The following FAT4 variants were observed in gnomAD, a reference collection of about 807,000 sequenced individuals.
FAT4 encodes protocadherin Fat 4.
A neutral mutation model predicts 303.9 loss-of-function variants in FAT4; 84 were observed. That is an observed-to-expected ratio of 0.28 (90% CI 0.23 to 0.33). FAT4 has a LOEUF of 0.33. Among genes scored for constraint, FAT4 ranks in the 10% least tolerant of loss-of-function variants. FAT4 has a pLI of 1.00. For missense variants in FAT4, 6,005 were observed against 6,146.8 expected, an observed-to-expected ratio of 0.98 and a Z score of 0.77; for synonymous variants, 2,307 against 2,298.8, an observed-to-expected ratio of 1.00 and a Z score of -0.10.
At chr4:125,409,396 A>AT (rs1734758836) in intron 5 of FAT4, among the ~76,000 whole-genome samples, 1 of 152,018 alleles carries the variant, frequency 6.6e-6, no homozygotes, top group Non-Finnish European at 1.5e-5. Context: ...AGCTAGGATT[A>AT]TAGGCATGCA....
Position 125,316,501 on chromosome 4 carries a change from A to G in FAT4, c.90A>G (p.Leu30=), listed in dbSNP as rs753444272. 6.2e-7 allele frequency: 1 copy of G among 1,613,730 alleles called. No individual in the cohort carries two copies. The highest frequency in any genetic ancestry group is 1.3e-5 in the African/African-American group (1 of 74,874). Residue 30 remains leucine, a synonymous_variant, in exon 2 of 18, where the codon CTA becomes CTG. Transcript: ENST00000394329. This position sits in a 1 kb window ranked among gnomAD's most constrained non-coding sequence, Gnocchi z 5.7. ...CTCAGCTCCTTCGAGTGTTTTGGCT[A>G]CTGTCATTGCTTCCGGGGCAGGCCT... ...SVSQLLRVFW[L]LSLLPGQAWV...
rs200593370 is a variant in FAT4, at chr4:125,318,733, C to T, written c.2322C>T (p.Pro774=). 1.8e-4 allele frequency: 285 copies of T among 1,613,950 alleles called. 2 individuals carry two copies. In the East Asian group the frequency reaches 6.3e-3, roughly 36 times the overall value. The change falls in exon 2 of 18, where the codon CCC becomes CCT. Residue 774 remains proline (P), a synonymous_variant. Transcript: ENST00000394329. ...CTGATGGTGGCAATTTACAATCTCC[C>T]AACCAGGCAATAGTAACCATCACTG... ...VATDGGNLQS[P]NQAIVTITVL...
At chr4:125,327,529 C>T (rs1400809270) in intron 2 of FAT4, among the ~76,000 whole-genome samples, 1 of 152,008 alleles carries the variant, frequency 6.6e-6, no homozygotes, top group East Asian at 1.9e-4. Context: ...ATGTATTGAA[C>T]AAAATGCTGT....
At chr4:125,435,187 TA>T (rs1395341303) in intron 8 of FAT4, among the ~76,000 whole-genome samples, 3 of 152,208 alleles carry the variant, frequency 2.0e-5, no homozygotes, top group Admixed American at 2.0e-4. Flanking sequence ...ACAAATATGA[TA>T]ACTTGTTCAG....
chr4:125,362,718 A>G (rs1732720221), intron 2 of FAT4: 1 of 152,190 alleles, frequency 6.6e-6, no homozygotes, highest in South Asian at 2.1e-4. Flanking sequence ...AACTTTGTCA[A>G]GTAAGAGAAT....
intron 7 of FAT4, among the ~76,000 whole-genome samples, chr4:125,421,345 A>C (rs1278808158): frequency 6.6e-6 from 1 of 151,492 alleles, no homozygotes; most frequent in Non-Finnish European, 1.5e-5. Context: ...ACATAGCTTA[A>C]ATATAAGGGC....
chr4:125,434,018 CAT>C (rs1470749687), intron 7 of FAT4, among the ~76,000 whole-genome samples: 1 of 152,154 alleles, frequency 6.6e-6, no homozygotes, highest in African/African-American at 2.4e-5. Context: ...AAGAGCATGA[CAT>C]ATACTTTTCG....
rs1005912994 is a variant in FAT4 at position 125,320,619 on chromosome 4, C to T, written c.4208C>T (p.Thr1403Ile). 4.3e-6 allele frequency: 7 copies of T among 1,614,002 alleles called. No individual in the cohort carries two copies. The African/African-American group carries it at 6.7e-5, about 15-fold the overall frequency. The change falls in exon 2 of 18, where the codon ACA (threonine) becomes ATA (isoleucine). Residue 1403 changes from threonine to isoleucine, a missense_variant. By Grantham distance (89) the Thr-to-Ile change is moderately conservative. Transcript: ENST00000394329. ...CAAGGAAGACCTCCTCGTTCATCTA[C>T]AATGTCAGTGGTTATTCACGTGAGG... ...KDQGRPPRSS[T>I]MSVVIHVRDF...
At chr4:125,413,574 T>C (rs892248866) in intron 5 of FAT4, among the ~76,000 whole-genome samples, 1 of 147,094 alleles carries the variant, frequency 6.8e-6, no homozygotes, top group Non-Finnish European at 1.5e-5. Flanking sequence ...AGGCAAAGGA[T>C]ATTAGAGACA....
chr4:125,423,455 G>T (rs1430788769), intron 7 of FAT4, among the ~76,000 whole-genome samples: 1 of 152,216 alleles, frequency 6.6e-6, no homozygotes, highest in Non-Finnish European at 1.5e-5. Context: ...AGCCTTGGAA[G>T]TTTCCACATG....
chr4:125,348,091 A>G (rs986079920), intron 2 of FAT4, among the ~76,000 whole-genome samples: 5 of 151,800 alleles, frequency 3.3e-5, no homozygotes, highest in Non-Finnish European at 5.9e-5. Context: ...TGATGCTGTA[A>G]AAGTTGCACA....
intron 2 of FAT4, among the ~76,000 whole-genome samples, chr4:125,331,902 T>G (rs1225309137): frequency 6.6e-6 from 1 of 152,174 alleles, no homozygotes; most frequent in African/African-American, 2.4e-5. Flanking sequence ...TTAAGTTTAG[T>G]TGAAAGAATG....
chr4:125,390,645 T>C (rs1733944077), intron 2 of FAT4, among the ~76,000 whole-genome samples: 1 of 152,178 alleles, frequency 6.6e-6, no homozygotes, highest in Non-Finnish European at 1.5e-5. Context: ...TAGCAAAATG[T>C]TATTGAGTTG....
At chr4:125,418,699 T>C (rs1045249001) in intron 7 of FAT4, among the ~76,000 whole-genome samples, 30 of 152,326 alleles carry the variant, frequency 2.0e-4, no homozygotes, top group African/African-American at 7.2e-4. Flanking sequence ...TTATAGTTAT[T>C]TCTTCTGGAA....
rs372543077 is a variant in FAT4 at position 125,477,213 on chromosome 4, A to G, written c.12358A>G (p.Ile4120Val). 3.0e-5 allele frequency: 45 copies of G among 1,524,754 alleles called. No individual in the cohort carries two copies. The highest frequency in any genetic ancestry group is 1.6e-4 in the African/African-American group (11 of 70,768). 94.5% of individuals were successfully genotyped at this position (1,524,754 alleles called of 1,614,324 possible). ...TGGAGGTATCAGATCTCTAGAACCA[A>G]TCCTTCAGAGAAGAGGACACGTGGA... ...TVGGIRSLEP[I>V]LQRRGHVESH... The change falls in exon 14 of 18, where the codon ATC becomes GTC. Residue 4120 changes from isoleucine to valine, a missense_variant. By Grantham distance (29) the Ile-to-Val change is conservative. Coordinates refer to ENST00000394329, the MANE Select transcript of FAT4 (RefSeq NM_001291303.3).
At chr4:125,356,467 A>C (rs994324279) in intron 2 of FAT4, among the ~76,000 whole-genome samples, 2 of 151,758 alleles carry the variant, frequency 1.3e-5, no homozygotes, top group Non-Finnish European at 2.9e-5. Context: ...AAGAAATATA[A>C]AAAGAAGTTT....
At position 125,321,595 on chromosome 4, in the gene FAT4, T is replaced by A. The variant is rs768771001; in HGVS notation, c.5175+9T>A. Reference sequence around the variant, plus strand: ...GAACACAGAGAGCAGAGGTAATGATTTTGTAGTCATTTATTATTTGTTGAT... The same window carrying A: ...GAACACAGAGAGCAGAGGTAATGATATTGTAGTCATTTATTATTTGTTGAT... On this transcript the variant is annotated intron_variant, in intron 2 of 17. Transcript: ENST00000394329. The A allele has an allele frequency of 6.4e-7, 1 of 1,564,770 alleles. No homozygotes were observed. The highest frequency in any genetic ancestry group is 2.0e-5 in the Admixed American group (1 of 48,990).
rs200724983 is a variant in FAT4, at chr4:125,491,192, A to C, written c.14376A>C (p.Glu4792Asp). ...CTCCTCCAGTCGGACTTTCTATTGA[A>C]GAAGTGGAGAGGCTCAACACACCTC... is the stretch of plus-strand genomic sequence containing the variant. ...ESSPPVGLSIEEVERLNTPRP... is the reference protein window; with the variant it reads ...ESSPPVGLSIDEVERLNTPRP... The change falls in exon 18 of 18, where the codon GAA (glutamate) becomes GAC (aspartate). Residue 4792 changes from glutamate (E) to aspartate (D), a missense_variant. By Grantham distance (45) the Glu-to-Asp change is conservative. Coordinates refer to ENST00000394329, the MANE Select transcript of FAT4 (RefSeq NM_001291303.3). 1.8e-5 allele frequency: 29 copies of C among 1,614,088 alleles called. No individual in the cohort carries two copies. In the Admixed American group the frequency reaches 2.8e-4, roughly 16 times the overall value.
chr4:125,485,949 T>C (rs1318683268), intron 16 of FAT4, among the ~76,000 whole-genome samples: 1 of 152,158 alleles, frequency 6.6e-6, no homozygotes, highest in African/African-American at 2.4e-5. Context: ...GTTTTAAAAG[T>C]GAAGAATTAT....
Sources: gnomAD v4.1 joint callset for allele counts (sites outside exome capture counted in the v4.1 genomes callset) on GRCh38, gnomAD v4.1.1 for gene constraint, Gnocchi (gnomAD v3.1) non-coding constraint, MANE v1.5 for transcripts, NCBI Gene and HGNC (gene_info 2026-07-23, HGNC 2026-07-21) for gene names.